The following CCDC198 variants were observed in gnomAD, a reference collection of about 807,000 sequenced individuals.
The protein encoded by CCDC198 is coiled-coil domain containing 198.
A neutral mutation model predicts 35.6 loss-of-function variants in CCDC198; 18 were observed. The ratio of observed to expected loss-of-function variants is 0.51; its 90% CI spans 0.35 to 0.75. The LOEUF (loss-of-function observed/expected upper bound fraction) is 0.75. CCDC198 is among the 30% of genes least tolerant of loss of function. CCDC198 has a pLI of 0.01. For synonymous variants in CCDC198, 119 were observed against 113.4 expected, an observed-to-expected ratio of 1.05 and a Z score of -0.31; for missense variants, 365 against 343.7, an observed-to-expected ratio of 1.06 and a Z score of -0.49.
intron 5 of CCDC198, among the ~76,000 whole-genome samples, chr14:57,473,003 G>A (rs1435516097): frequency 1.3e-5 from 2 of 152,144 alleles, no homozygotes; most frequent in Non-Finnish European, 2.9e-5. Flanking sequence ...CTGAAGTTGT[G>A]TATTATTATA....
intron 3 of CCDC198, 27 bp downstream of exon 3, chr14:57,483,038 C>G: frequency 6.2e-7 from 1 of 1,613,858 alleles, no homozygotes; most frequent in South Asian, 1.1e-5. Context: ...CAGTTCACCT[C>G]CCTGTCAGGT....
rs1777983390 is a variant in CCDC198 at position 57,480,719 on chromosome 14, C to T, written c.531G>A (p.Glu177=). The T allele has an allele frequency of 2.5e-6, 4 of 1,614,056 alleles. No individual in the cohort carries two copies. Among genetic ancestry groups the T allele is most frequent in the Non-Finnish European group, 3.4e-6 (4 of 1,179,992 alleles). The change falls in exon 5 of 6, where the codon GAG becomes GAA. Residue 177 remains glutamate (E), a synonymous_variant. Coordinates refer to ENST00000216445, the MANE Select transcript of CCDC198 (RefSeq NM_018168.4). ...TTGGACTTTGCTTATTAATTCTTGC[C>T]TCTCCATGAAGACTTTTCTTTAACT... ...QMELKKSLHG[E]ARINKQSPRD... is the part of the protein sequence containing the mutation.
chr14:57,475,460 G>A, intron 5 of CCDC198: 1 of 1,240,534 alleles, frequency 8.1e-7, no homozygotes, highest in Non-Finnish European at 1.0e-6. Context: ...TTGTGGCCAG[G>A]CGCGGTGGCT....
At chr14:57,473,159 T>C (rs2066873849) in intron 5 of CCDC198, among the ~76,000 whole-genome samples, 1 of 152,232 alleles carries the variant, frequency 6.6e-6, no homozygotes, top group Non-Finnish European at 1.5e-5. Context: ...TGAGAATTCA[T>C]GCCTTGTGAT....
chr14:57,479,001 T>G lies in CCDC198; in HGVS notation c.655+1594A>C, dbSNP rs2067096222. 3 of 1,289,188 alleles carry G rather than the reference T, an allele frequency of 2.3e-6. No homozygotes were observed. The African/African-American group carries it at 4.6e-5, about 20-fold the overall frequency. The allele number at this position is 1,289,188 out of a possible 1,614,324, so 79.9% of individuals were successfully genotyped here. ...AGCGATCTGTGTGTGTGAACAATAT[T>G]GGAAATTTCAACTGTGGGTTTGCCC... On this transcript the variant is annotated intron_variant, in intron 5 of 5. Transcript: ENST00000216445.
At chr14:57,489,542 A>C (rs2067489984) in intron 2 of CCDC198, among the ~76,000 whole-genome samples, 1 of 152,150 alleles carries the variant, frequency 6.6e-6, no homozygotes, top group South Asian at 2.1e-4. Flanking sequence ...GAAGAAAAAA[A>C]AGGCACAGTC....
Position 57,471,417 on chromosome 14 carries a change from C to T in CCDC198, c.829G>A (p.Ala277Thr), listed in dbSNP as rs781366514. 6.2e-7 allele frequency: 1 copy of T among 1,614,014 alleles called. No homozygotes were observed. The highest frequency in any genetic ancestry group is 8.5e-7 in the Non-Finnish European group (1 of 1,179,972). The change falls in exon 6 of 6, where the codon GCA (alanine) becomes ACA (threonine). Residue 277 changes from alanine (A) to threonine (T), a missense_variant. Physicochemically the swap from Ala to Thr is moderately conservative, Grantham distance 58. Coordinates refer to ENST00000216445, the MANE Select transcript of CCDC198 (RefSeq NM_018168.4). ...CTCTCTGTCCTGGTCCTCACCAGTG[C>T]TCGTGGCTTCTTCTCATCTTTCCCC... is the stretch of plus-strand genomic sequence containing the variant. ...EQGKDEKKPR[A>T]LVRTRTERIP...
Position 57,488,008 on chromosome 14 carries a change from C to T in CCDC198, c.306+2981G>A, listed in dbSNP as rs112595246. 2.8e-4 allele frequency among the ~76,000 whole-genome samples: 42 copies of T among 152,280 alleles called. 1 individual carries two copies. The highest frequency in any genetic ancestry group is 9.6e-4 in the African/African-American group (40 of 41,572). ...CTACTGCATGAGCATATCCTCTGGC[C>T]ATAGCTCATTGGACCAGAGCTGAAA... is the stretch of plus-strand genomic sequence containing the variant. On this transcript the variant is annotated intron_variant, in intron 2 of 5. Transcript: ENST00000216445.
intron 3 of CCDC198, 135 bp from the exon 4 acceptor site, chr14:57,481,795 G>A (rs2067198090): frequency 1.7e-6 from 1 of 589,010 alleles, no homozygotes; most frequent in Non-Finnish European, 3.0e-6. Flanking sequence ...GATGACAAAA[G>A]TGGACTATCG....
rs758348997 is a variant in CCDC198 at position 57,493,757 on chromosome 14, G to GT, written c.-43dup. On this transcript the variant is annotated 5_prime_UTR_variant, in exon 1 of 6. Coordinates refer to ENST00000216445, the MANE Select transcript of CCDC198 (RefSeq NM_018168.4). Reference sequence around the variant, plus strand: ...TCAGAGGAAAGCTGCGAGGGAAGTGGTTTTGGGGTCTTTAATATAGCTTAT... The same window carrying GT: ...TCAGAGGAAAGCTGCGAGGGAAGTGGTTTTTGGGGTCTTTAATATAGCTTAT... The GT allele has an allele frequency of 6.7e-6, 10 of 1,492,450 alleles. No individual in the cohort carries two copies. In the Admixed American group the frequency reaches 1.8e-4, roughly 27 times the overall value. The allele number at this position is 1,492,450 out of a possible 1,614,324, so 92.5% of individuals were successfully genotyped here.
intron 2 of CCDC198, among the ~76,000 whole-genome samples, chr14:57,485,650 A>G (rs2139531247): frequency 6.6e-6 from 1 of 152,248 alleles, no homozygotes; most frequent in South Asian, 2.1e-4. Flanking sequence ...CTGTACAACC[A>G]CTTCTAGGTC....
In CCDC198 at chr14:57,471,303, G is replaced by T; in HGVS notation, c.*52C>A. ...CATATATCAGTTTGGAAGATTTTGAGAGTAAAACAAGCTTTCAAAGCACTC... is the reference window on the plus strand; with the variant it reads ...CATATATCAGTTTGGAAGATTTTGATAGTAAAACAAGCTTTCAAAGCACTC... On this transcript the variant is annotated 3_prime_UTR_variant, in exon 6 of 6. Coordinates refer to ENST00000216445, the MANE Select transcript of CCDC198 (RefSeq NM_018168.4). 1 of 1,341,920 alleles carries T rather than the reference G, an allele frequency of 7.5e-7. No homozygotes were observed. The highest frequency in any genetic ancestry group is 1.3e-5 in the South Asian group (1 of 78,342). 83.1% of individuals were successfully genotyped at this position (1,341,920 alleles called of 1,614,324 possible).
intron 5 of CCDC198, chr14:57,475,421 A>G (rs2139472118): frequency 2.5e-6 from 3 of 1,189,874 alleles, no homozygotes; most frequent in Non-Finnish European, 3.2e-6. Flanking sequence ...TCCCTGAAGC[A>G]TATGACTGTT....
At chr14:57,478,910 C>T in intron 5 of CCDC198, 1 of 1,252,372 alleles carries the variant, frequency 8.0e-7, no homozygotes, top group Non-Finnish European at 1.0e-6. Flanking sequence ...GAGACATAGC[C>T]AGCTTTTCTG....
In CCDC198 at chr14:57,472,103, G is replaced by T. The variant is rs1227369903; in HGVS notation, c.656-513C>A. Among the ~76,000 whole-genome samples, 4 of 152,106 alleles carry T rather than the reference G, an allele frequency of 2.6e-5. No homozygotes were observed. The East Asian group carries it at 5.8e-4, about 22-fold the overall frequency. ...TATGGTCTATATTCAAATATCCATG[G>T]TTGTCACAATAATGCCCATTATAAC... On this transcript the variant is annotated intron_variant, in intron 5 of 5. Transcript: ENST00000216445.
intron 4 of CCDC198, among the ~76,000 whole-genome samples, chr14:57,481,033 A>T (rs968233035): frequency 1.3e-5 from 2 of 152,202 alleles, no homozygotes; most frequent in African/African-American, 4.8e-5. Flanking sequence ...AGCTGATATG[A>T]TTGGAGTTCC....
At chr14:57,493,040 T>C (rs2067629174) in intron 1 of CCDC198, among the ~76,000 whole-genome samples, 2 of 152,158 alleles carry the variant, frequency 1.3e-5, no homozygotes. Context: ...TCAAAATTCA[T>C]GTTAGAATTA....
rs1193932847 is a variant in CCDC198, at chr14:57,487,361, G to T, written c.306+3628C>A. Among the ~76,000 whole-genome samples the T allele has an allele frequency of 2.6e-5, 4 of 152,116 alleles. 1 individual carries two copies. Among genetic ancestry groups the T allele is most frequent in the East Asian group, 1.9e-4 (1 of 5,196 alleles). ...GGGACTCAAGAGTGCTGATATGGGG[G>T]TTGCAATGTCAATTGATTGGTCAGG... On this transcript the variant is annotated intron_variant, in intron 2 of 5. Coordinates refer to ENST00000216445, the MANE Select transcript of CCDC198 (RefSeq NM_018168.4).
At chr14:57,471,672 CTGCT>C (rs1243626044) in intron 5 of CCDC198, 82 bp from the exon 6 acceptor site, 3 of 671,536 alleles carry the variant, frequency 4.5e-6, no homozygotes, top group Non-Finnish European at 7.3e-6. Flanking sequence ...AATAAATAAT[CTGCT>C]TGGTGGTTTT....
Sources: allele counts gnomAD v4.1 joint callset (sites outside exome capture counted in the v4.1 genomes callset), GRCh38; gene constraint gnomAD v4.1.1; transcripts MANE v1.5; gene names NCBI Gene and HGNC (gene_info 2026-07-23, HGNC 2026-07-21).